Variants in CDH12 observed in about 807,000 individuals in gnomAD.
The protein encoded by CDH12 is cadherin 12.
Under a neutral mutation model 74.1 loss-of-function variants are expected in CDH12, and 41 were observed. The observed-to-expected ratio is 0.55, with a 90% CI of 0.43 to 0.72. The LOEUF (loss-of-function observed/expected upper bound fraction) is 0.72, where lower values mean the gene tolerates loss of function less well. Among genes scored for constraint, CDH12 ranks in the 30% least tolerant of loss-of-function variants. The pLI, the probability that CDH12 is intolerant of heterozygous loss-of-function variation, is 0.00. For synonymous variants in CDH12, 399 were observed against 355.0 expected (o/e 1.12, Z -1.39); for missense variants, 945 against 977.2 (o/e 0.97, Z 0.44).
chr5:22,219,905 CTACCAGCTATAATTA>C (rs1022162791), intron 3 of CDH12, among the ~76,000 whole-genome samples: 12 of 151,678 alleles, frequency 7.9e-5, no homozygotes, highest in Non-Finnish European at 1.3e-4. Flanking sequence ...CACAAATGAG[CTACCAGCTATAATTA>C]TACCAGCTAT....
chr5:22,204,780 C>G (rs1227108141), intron 4 of CDH12, among the ~76,000 whole-genome samples: 2 of 152,198 alleles, frequency 1.3e-5, no homozygotes, highest in African/African-American at 2.4e-5. Flanking sequence ...CTAATGGTCT[C>G]TCTTTTCCTG....
intron 2 of CDH12, among the ~76,000 whole-genome samples, chr5:22,479,758 T>G (rs1303239913): frequency 6.6e-6 from 1 of 152,218 alleles, no homozygotes; most frequent in African/African-American, 2.4e-5. Context: ...GTGTCAAAGA[T>G]TAATATTTGA....
chr5:21,882,528 C>A, intron 6 of CDH12: 1 of 939,736 alleles, frequency 1.1e-6, no homozygotes, highest in South Asian at 1.3e-5. Context: ...CACTCTGTCC[C>A]TCACTCGCCG....
At chr5:22,059,371 CTATCTATCTATCTATCTATCTATG>C (rs1206584537) in intron 5 of CDH12, among the ~76,000 whole-genome samples, 6,203 of 130,532 alleles carry the variant, frequency 0.048, 156 homozygotes, top group African/African-American at 0.071. Context: ...ATCTATCTAT[CTATCTATCTATCTATCTATCTATG>C]TATCTACTTT....
intron 8 of CDH12, among the ~76,000 whole-genome samples, chr5:21,823,497 T>C (rs1579771520): frequency 6.6e-6 from 1 of 152,096 alleles, no homozygotes; most frequent in African/African-American, 2.4e-5. Context: ...TTGATGATGA[T>C]AATTATCTTC....
At chr5:22,308,016 G>A (rs1738196675) in intron 3 of CDH12, among the ~76,000 whole-genome samples, 1 of 150,940 alleles carries the variant, frequency 6.6e-6, no homozygotes, top group South Asian at 2.1e-4. Flanking sequence ...AAGTAGCTGG[G>A]ACTACAGGCG....
At chr5:22,613,215 G>A (rs1009269302) in intron 1 of CDH12, among the ~76,000 whole-genome samples, 3 of 151,968 alleles carry the variant, frequency 2.0e-5, no homozygotes, top group African/African-American at 7.3e-5. Flanking sequence ...TCTGGGCCCT[G>A]GCAGATTGAA....
intron 4 of CDH12, among the ~76,000 whole-genome samples, chr5:22,135,293 G>T (rs1273405610): frequency 1.3e-5 from 2 of 150,494 alleles, no homozygotes; most frequent in East Asian, 3.9e-4. Context: ...TTTTTCAAAT[G>T]ATATGGTACT....
chr5:21,798,946 A>T (rs1014151147), intron 10 of CDH12, among the ~76,000 whole-genome samples: 3 of 152,186 alleles, frequency 2.0e-5, no homozygotes, highest in Non-Finnish European at 4.4e-5. Context: ...AAACTGAGTA[A>T]GGGGTACAGG....
chr5:22,764,693 C>T (rs2127061279), intron 1 of CDH12, among the ~76,000 whole-genome samples: 1 of 152,126 alleles, frequency 6.6e-6, no homozygotes, highest in Admixed American at 6.6e-5. Context: ...CACCACATTT[C>T]TGCAGATATG....
At chr5:21,761,992 T>C (rs1744751838) in intron 12 of CDH12, among the ~76,000 whole-genome samples, 1 of 152,164 alleles carries the variant, frequency 6.6e-6, no homozygotes, top group Non-Finnish European at 1.5e-5. Flanking sequence ...ACTTAGTCAA[T>C]GAATCAACAT....
intron 2 of CDH12, among the ~76,000 whole-genome samples, chr5:22,469,835 G>T (rs1443265739): frequency 6.6e-6 from 1 of 152,104 alleles, no homozygotes; most frequent in Admixed American, 6.5e-5. Flanking sequence ...CTCCTTGGTA[G>T]GAAACACAAA....
chr5:22,399,107 G>A (rs992072577), intron 3 of CDH12, among the ~76,000 whole-genome samples: 1 of 151,844 alleles, frequency 6.6e-6, no homozygotes, highest in Non-Finnish European at 1.5e-5. Context: ...TGTATCTATT[G>A]AACTATATTT....
In CDH12 at chr5:22,487,160, G is replaced by A. The variant is rs185459431; in HGVS notation, c.-428+18110C>T. 1.0e-3 allele frequency among the ~76,000 whole-genome samples: 157 copies of A among 151,780 alleles called. 1 individual carries two copies. Among genetic ancestry groups the A allele is most frequent in the Admixed American group, 1.9e-3 (29 of 15,238 alleles). Reference sequence around the variant, plus strand: ...TGGGATTACAGGCATGTGCCACCACGCCCCACTAATTTTTGTATTTTAGTA... The same window carrying A: ...TGGGATTACAGGCATGTGCCACCACACCCCACTAATTTTTGTATTTTAGTA... On this transcript the variant is annotated intron_variant, in intron 2 of 14. Transcript: ENST00000382254.
intron 4 of CDH12, among the ~76,000 whole-genome samples, chr5:22,195,784 C>G (rs868638623): frequency 4.6e-5 from 7 of 152,268 alleles, no homozygotes; most frequent in Middle Eastern, 3.4e-3. Flanking sequence ...CATGTTTTGC[C>G]ATTTTCTCTC....
At chr5:22,370,489 A>G (rs1192740357) in intron 3 of CDH12, among the ~76,000 whole-genome samples, 1 of 152,210 alleles carries the variant, frequency 6.6e-6, no homozygotes, top group Non-Finnish European at 1.5e-5. Flanking sequence ...ATATTCCTTG[A>G]AAATAATTTA....
chr5:21,803,038 A>G (rs1392071003), intron 9 of CDH12, among the ~76,000 whole-genome samples: 1 of 152,136 alleles, frequency 6.6e-6, no homozygotes, highest in East Asian at 1.9e-4. Context: ...CAGCAACAGA[A>G]CAGATGTTCA....
At chr5:21,911,545 T>G (rs1427449813) in intron 6 of CDH12, among the ~76,000 whole-genome samples, 2 of 152,048 alleles carry the variant, frequency 1.3e-5, no homozygotes, top group Non-Finnish European at 2.9e-5. Context: ...AGATGGATAA[T>G]TAAACATGAT....
At chr5:22,180,188 C>T (rs577878339) in intron 4 of CDH12, among the ~76,000 whole-genome samples, 57 of 152,280 alleles carry the variant, frequency 3.7e-4, no homozygotes, top group African/African-American at 1.3e-3. Flanking sequence ...ATAAACCATT[C>T]GACTGCCTCA....
Sources: gnomAD v4.1 joint callset for allele counts (sites outside exome capture counted in the v4.1 genomes callset) on GRCh38, gnomAD v4.1.1 for gene constraint, MANE v1.5 for transcripts, NCBI Gene and HGNC (gene_info 2026-07-23, HGNC 2026-07-21) for gene names.